SLC22A2: variants seen among roughly 807,000 people sequenced by gnomAD.
SLC22A2 encodes the protein organic cation transporter 2.
Under a neutral mutation model 60.5 loss-of-function variants are expected in SLC22A2, and 46 were observed. The ratio of observed to expected loss-of-function variants is 0.76; its 90% confidence interval spans 0.60 to 0.97. The LOEUF is 0.97. Ranked by LOEUF, SLC22A2 falls within the 50% of genes least tolerant of loss-of-function variation. SLC22A2 has a pLI of 0.00. For synonymous variants in SLC22A2, 303 were observed against 267.0 expected (o/e 1.13, Z -1.31); for missense variants, 701 against 706.6 (o/e 0.99, Z 0.09).
rs1783144020 is a variant in SLC22A2 at position 160,249,239 on chromosome 6, G to T, written c.819C>A (p.Asn273Lys). The change falls in exon 4 of 11, where the codon AAC becomes AAA. Residue 273 changes from asparagine to lysine, a missense_variant. Asn to Lys is a moderately conservative substitution (Grantham distance 94). Transcript: ENST00000366953. Reference sequence around the variant, plus strand: ...ACCAGTAATAGAGCAAGAAGAAGAAGTTGGGCAGAGAAACTGTGAACTGCA... The same window carrying T: ...ACCAGTAATAGAGCAAGAAGAAGAATTTGGGCAGAGAAACTGTGAACTGCA... The part of the protein sequence containing the change: ...RWLQFTVSLP[N>K]FFFLLYYWCI... The T allele has an allele frequency of 2.5e-6, 4 of 1,603,092 alleles. No individual in the cohort carries two copies. Among genetic ancestry groups the T allele is most frequent in the Non-Finnish European group, 3.4e-6 (4 of 1,175,850 alleles).
intron 9 of SLC22A2, among the ~76,000 whole-genome samples, chr6:160,232,079 C>A (rs1330282662): frequency 6.6e-6 from 1 of 151,876 alleles, no homozygotes; most frequent in Non-Finnish European, 1.5e-5. Flanking sequence ...TTTCCAAAAT[C>A]TATTTTCTTC....
rs373901133 is a variant in SLC22A2, at chr6:160,249,347, C to T, written c.711G>A (p.Val237=). ...TATAGGCAACTTGGTAAAAAATCCCCACTGTTCTCCGATATCTCCGCCCAA... is the reference window on the plus strand; with the variant it reads ...TATAGGCAACTTGGTAAAAAATCCCTACTGTTCTCCGATATCTCCGCCCAA... The part of the protein sequence containing the change: ...EFVGRRYRRT[V]GIFYQVAYTV... The change falls in exon 4 of 11, where the codon GTG becomes GTA. Residue 237 remains valine, a synonymous_variant. Coordinates refer to ENST00000366953, the MANE Select transcript of SLC22A2 (RefSeq NM_003058.4). 9 of 1,613,570 alleles carry T rather than the reference C, an allele frequency of 5.6e-6. No individual in the cohort carries two copies. The highest frequency in any genetic ancestry group is 1.3e-5 in the African/African-American group (1 of 74,892).
At chr6:160,245,191 G>T (rs1783069984) in intron 6 of SLC22A2, 2 of 274,412 alleles carry the variant, frequency 7.3e-6, no homozygotes, top group Non-Finnish European at 1.3e-5. Context: ...TTGGTATTTT[G>T]TAAGCTCCCA....
At chr6:160,236,912 T>C (rs546178774) in intron 9 of SLC22A2, among the ~76,000 whole-genome samples, 1 of 152,364 alleles carries the variant, frequency 6.6e-6, no homozygotes, top group East Asian at 1.9e-4. Context: ...CAAAGTTTTG[T>C]CAAAGCCAAT....
At chr6:160,243,879 C>T (rs1481497394) in intron 6 of SLC22A2, 93 bp from the exon 7 acceptor site, 4 of 814,230 alleles carry the variant, frequency 4.9e-6, no homozygotes, top group Non-Finnish European at 8.1e-6. Context: ...GATTGTAGGT[C>T]ACCTTTCCCT....
intron 2 of SLC22A2, among the ~76,000 whole-genome samples, chr6:160,252,656 G>A (rs1258440283): frequency 1.3e-5 from 2 of 152,204 alleles, no homozygotes; most frequent in Non-Finnish European, 2.9e-5. Flanking sequence ...GAATGTGGCT[G>A]AGGACTATTA....
intron 2 of SLC22A2, 93 bp downstream of exon 2, chr6:160,256,521 G>T: frequency 1.2e-6 from 1 of 819,350 alleles, no homozygotes. Context: ...TGTGTGCTTG[G>T]GAAAGGATGG....
chr6:160,229,090 A>G (rs754306695), intron 9 of SLC22A2, among the ~76,000 whole-genome samples: 4 of 151,786 alleles, frequency 2.6e-5, no homozygotes, highest in Admixed American at 6.6e-5. Context: ...CTCTCTTGGG[A>G]GATCAATCCC....
intron 2 of SLC22A2, among the ~76,000 whole-genome samples, chr6:160,254,083 A>T (rs1477995245): frequency 1.3e-5 from 2 of 152,096 alleles, no homozygotes; most frequent in Non-Finnish European, 2.9e-5. Context: ...TTCGAGATCA[A>T]CCTGGCCAAC....
chr6:160,239,844 C>G (rs1304190644), intron 9 of SLC22A2, among the ~76,000 whole-genome samples: 1 of 152,184 alleles, frequency 6.6e-6, no homozygotes, highest in Admixed American at 6.5e-5. Flanking sequence ...TGGAGGAATT[C>G]ATTGCATCTG....
intron 6 of SLC22A2, chr6:160,244,899 C>G (rs1032324192): frequency 3.3e-5 from 5 of 152,280 alleles, no homozygotes; most frequent in African/African-American, 1.2e-4. Context: ...AGTCACTGGG[C>G]TGTGAAGCCA....
chr6:160,258,326 C>T lies in SLC22A2; in HGVS notation c.414+18G>A, dbSNP rs761262798. The T allele has an allele frequency of 5.0e-6, 8 of 1,584,990 alleles. No individual in the cohort carries two copies. The Middle Eastern group carries it at 1.2e-3, about 235-fold the overall frequency. Reference sequence around the variant, plus strand: ...CACCATTTGCTTCTCCATCTGAGCCCTGAGCTCACTCTCTTACCTCGGTGA... The same window carrying T: ...CACCATTTGCTTCTCCATCTGAGCCTTGAGCTCACTCTCTTACCTCGGTGA... On this transcript the variant is annotated intron_variant, in intron 1 of 10. Coordinates refer to ENST00000366953, the MANE Select transcript of SLC22A2 (RefSeq NM_003058.4).
chr6:160,249,428 T>C (rs890841328), intron 3 of SLC22A2, 44 bp from the exon 4 acceptor site: 31 of 1,502,616 alleles, frequency 2.1e-5, no homozygotes, highest in Non-Finnish European at 2.6e-5. Flanking sequence ...AATACAATAA[T>C]GAGTTGGCTG....
chr6:160,222,574 A>G (rs543704305), intron 10 of SLC22A2, among the ~76,000 whole-genome samples: 42 of 152,336 alleles, frequency 2.8e-4, no homozygotes, highest in African/African-American at 8.2e-4. Flanking sequence ...TACAGCAGTA[A>G]ACAGGATTTA....
At chr6:160,222,800 C>A (rs1017374108) in intron 10 of SLC22A2, among the ~76,000 whole-genome samples, 13 of 152,202 alleles carry the variant, frequency 8.5e-5, no homozygotes, top group Admixed American at 7.2e-4. Flanking sequence ...TCATTCAGCT[C>A]CTACAAATTG....
intron 1 of SLC22A2, among the ~76,000 whole-genome samples, 156 bp downstream of exon 1, chr6:160,258,188 G>T (rs932605244): frequency 2.6e-5 from 4 of 152,200 alleles, no homozygotes; most frequent in Non-Finnish European, 4.4e-5. Flanking sequence ...ATTAGAAGCT[G>T]CATGTTCTCA....
In SLC22A2 at chr6:160,250,571, C is replaced by A; in HGVS notation, c.650G>T (p.Gly217Val). 6.2e-7 allele frequency: 1 copy of A among 1,614,074 alleles called. No individual in the cohort carries two copies. The highest frequency in any genetic ancestry group is 8.5e-7 in the Non-Finnish European group (1 of 1,179,964). ...RLIQGLVSKA[G>V]WLIGYILITE... ...ACTCAGGATGTAGCCTATTAACCAGCCTGCTTTGCTGACCAGTCCTTGGAT... is the reference window on the plus strand; with the variant it reads ...ACTCAGGATGTAGCCTATTAACCAGACTGCTTTGCTGACCAGTCCTTGGAT... The change falls in exon 3 of 11, where the codon GGC (glycine) becomes GTC (valine). Residue 217 changes from glycine to valine, a missense_variant. Physicochemically the swap from Gly to Val is moderately radical, Grantham distance 109. Transcript: ENST00000366953.
intron 9 of SLC22A2, among the ~76,000 whole-genome samples, chr6:160,231,673 G>C (rs973945633): frequency 6.6e-6 from 1 of 151,696 alleles, no homozygotes; most frequent in Admixed American, 6.6e-5. Context: ...TATCCACCCC[G>C]AGGTGCCAAA....
rs1298095792 is a variant in SLC22A2, at chr6:160,243,707, A to C, written c.1144T>G (p.Tyr382Asp). ...GCTGGGAATTCAACCAGGGCAGAGT[A>C]GAAGAAATCCAGGTAGATATTGTCA... ...AGDNIYLDFFYSALVEFPAAF... is the reference protein window; with the variant it reads ...AGDNIYLDFFDSALVEFPAAF... Residue 382 changes from tyrosine to aspartate, a missense_variant, in exon 7 of 11, where the codon TAC becomes GAC. Physicochemically the swap from Tyr to Asp is radical, Grantham distance 160 (BLOSUM62 -3). Coordinates refer to ENST00000366953, the MANE Select transcript of SLC22A2 (RefSeq NM_003058.4). 3.1e-6 allele frequency: 5 copies of C among 1,614,056 alleles called. No individual in the cohort carries two copies. In the Admixed American group the frequency reaches 8.3e-5, roughly 27 times the overall value.
Sources: gnomAD v4.1 joint callset for allele counts (sites outside exome capture counted in the v4.1 genomes callset) on GRCh38, gnomAD v4.1.1 for gene constraint, MANE v1.5 for transcripts, NCBI Gene and HGNC (gene_info 2026-07-23, HGNC 2026-07-21) for gene names.